ACER2: variants seen among roughly 807,000 people sequenced by gnomAD.
ACER2 encodes alkaline ceramidase 2, also known as alkCDase 2.
Under a neutral mutation model 34.7 loss-of-function variants are expected in ACER2, and 26 were observed. The observed-to-expected ratio is 0.75, with a 90% CI of 0.55 to 1.04. The LOEUF (loss-of-function observed/expected upper bound fraction) is 1.04. Among genes scored for constraint, ACER2 ranks in the 50% least tolerant of loss-of-function variants. The pLI is 0.00. For synonymous variants in ACER2, 138 were observed against 132.1 expected (o/e 1.04, Z -0.31); for missense variants, 352 against 340.8 (o/e 1.03, Z -0.26).
chr9:19,421,026 A>G (rs74707871), intron 1 of ACER2, among the ~76,000 whole-genome samples: 4,492 of 152,290 alleles, frequency 0.029, 225 homozygotes, highest in African/African-American at 0.1. Context: ...AGCTTTGTAC[A>G]CACCCAGGCC....
chr9:19,446,805 GGAACCCC>G (rs1563893052), intron 5 of ACER2, among the ~76,000 whole-genome samples: 1 of 152,154 alleles, frequency 6.6e-6, no homozygotes, highest in African/African-American at 2.4e-5. Context: ...GTCCTCAGTG[GGAACCCC>G]ACCTTTAGGG....
In ACER2 at chr9:19,450,141, CTG is replaced by C. The variant is rs1831513472; in HGVS notation, c.642-307_642-306del. The C allele has an allele frequency of 3.2e-6, 3 of 949,768 alleles. No individual in the cohort carries two copies. In the African/African-American group the frequency reaches 5.3e-5, roughly 17 times the overall value. 58.8% of individuals were successfully genotyped at this position (949,768 alleles called of 1,614,324 possible). On this transcript the variant is annotated intron_variant, in intron 5 of 5. Coordinates refer to ENST00000340967, the MANE Select transcript of ACER2 (RefSeq NM_001010887.3). ...CTCAGTTACTTCCATCTTAGCATCT[CTG>C]TTGTAAATCCTTGGGCCTCAGTCTT...
intron 3 of ACER2, among the ~76,000 whole-genome samples, chr9:19,434,331 G>T (rs1563884591): frequency 6.6e-6 from 1 of 152,104 alleles, no homozygotes; most frequent in Admixed American, 6.5e-5. Context: ...CCAGACGATG[G>T]CCGGCCAGGC....
intron 5 of ACER2, 86 bp downstream of exon 5, chr9:19,446,504 A>T: frequency 6.3e-7 from 1 of 1,590,800 alleles, no homozygotes; most frequent in Non-Finnish European, 8.5e-7. Context: ...AGTGGTGCAC[A>T]GGTGTCCTGT....
chr9:19,409,716 G>A (rs1830030157), intron 1 of ACER2: 3 of 983,290 alleles, frequency 3.1e-6, no homozygotes, highest in Non-Finnish European at 3.6e-6. Context: ...TATAATGGTC[G>A]AGTTATTTTT....
At chr9:19,425,071 A>T (rs961906888) in intron 3 of ACER2, among the ~76,000 whole-genome samples, 1 of 152,202 alleles carries the variant, frequency 6.6e-6, no homozygotes, top group Non-Finnish European at 1.5e-5. Context: ...TACCCAAAGT[A>T]CATCACCTCT....
At chr9:19,423,128 C>T (rs1278563258) in intron 1 of ACER2, among the ~76,000 whole-genome samples, 4 of 151,580 alleles carry the variant, frequency 2.6e-5, no homozygotes, top group African/African-American at 9.7e-5. Flanking sequence ...TCACTTCAGT[C>T]CAGCCTGGAA....
intron 3 of ACER2, among the ~76,000 whole-genome samples, chr9:19,430,416 A>G (rs943825702): frequency 6.6e-6 from 1 of 152,162 alleles, no homozygotes; most frequent in Non-Finnish European, 1.5e-5. Flanking sequence ...GGCTGTCATC[A>G]ATCACAGTTT....
intron 3 of ACER2, among the ~76,000 whole-genome samples, chr9:19,429,537 G>A (rs564592161): frequency 7.2e-5 from 11 of 152,016 alleles, no homozygotes; most frequent in Non-Finnish European, 1.3e-4. Context: ...TTACCATGTT[G>A]CCCAGGCTGG....
At chr9:19,444,002 A>T (rs1376559248) in intron 4 of ACER2, among the ~76,000 whole-genome samples, 3 of 152,088 alleles carry the variant, frequency 2.0e-5, no homozygotes, top group East Asian at 1.9e-4. Flanking sequence ...TCATAGTTTC[A>T]ACTTGTGATG....
Position 19,452,061 on chromosome 9 carries a change from A to C in ACER2, c.*1425A>C, listed in dbSNP as rs191846430. 2 of 152,648 alleles carry C rather than the reference A, an allele frequency of 1.3e-5. No individual in the cohort carries two copies. The highest frequency in any genetic ancestry group is 4.8e-5 in the African/African-American group (2 of 41,460). The allele number at this position is 152,648 out of a possible 1,614,324, so 9.5% of individuals were successfully genotyped here. On this transcript the variant is annotated 3_prime_UTR_variant, in exon 6 of 6. Coordinates refer to ENST00000340967, the MANE Select transcript of ACER2 (RefSeq NM_001010887.3). ...CTCACCTAATGTGACACTGGCTACAATGAATCTTCTCTTCATCGGGCTGAA... is the reference window on the plus strand; with the variant it reads ...CTCACCTAATGTGACACTGGCTACACTGAATCTTCTCTTCATCGGGCTGAA...
intron 3 of ACER2, among the ~76,000 whole-genome samples, chr9:19,426,585 ATTTG>A (rs1445170861): frequency 2.6e-5 from 4 of 152,116 alleles, no homozygotes; most frequent in Non-Finnish European, 5.9e-5. Flanking sequence ...CGTTTTGTGT[ATTTG>A]TTTGTGACAT....
chr9:19,434,866 C>G, intron 3 of ACER2, 81 bp from the exon 4 acceptor site: 1 of 1,558,038 alleles, frequency 6.4e-7, no homozygotes, highest in Non-Finnish European at 8.8e-7. Flanking sequence ...TCTGGCAATG[C>G]CTGTACCTTG....
intron 4 of ACER2, among the ~76,000 whole-genome samples, chr9:19,436,465 C>T (rs545125089): frequency 1.3e-5 from 2 of 152,172 alleles, no homozygotes; most frequent in East Asian, 3.9e-4. Context: ...ATAACCAAAC[C>T]TGCCATTTGA....
At chr9:19,430,667 A>G (rs1830722682) in intron 3 of ACER2, among the ~76,000 whole-genome samples, 1 of 152,086 alleles carries the variant, frequency 6.6e-6, no homozygotes, top group Non-Finnish European at 1.5e-5. Flanking sequence ...TAAAGAAAGC[A>G]TGTTTTGCAG....
chr9:19,433,883 C>T (rs1360060503), intron 3 of ACER2, among the ~76,000 whole-genome samples: 2 of 151,596 alleles, frequency 1.3e-5, no homozygotes, highest in African/African-American at 4.8e-5. Context: ...CCTCACCTCC[C>T]GGACGGGGCG....
At chr9:19,418,181 A>G (rs1251725935) in intron 1 of ACER2, among the ~76,000 whole-genome samples, 8 of 152,246 alleles carry the variant, frequency 5.3e-5, no homozygotes, top group African/African-American at 1.9e-4. Context: ...GGCGATCATT[A>G]AAAAGTCAGG....
chr9:19,446,262 T>A lies in ACER2; in HGVS notation c.504-19T>A, dbSNP rs1831356163. On this transcript the variant is annotated intron_variant, in intron 4 of 5. Coordinates refer to ENST00000340967, the MANE Select transcript of ACER2 (RefSeq NM_001010887.3). ...GAGACAAGGTCTGACGATGAGTGAC[T>A]CTCTGGACCCCCGTGCAGGTGTGAC... The A allele has an allele frequency of 6.2e-7, 1 of 1,613,984 alleles. No individual in the cohort carries two copies. Among genetic ancestry groups the A allele is most frequent in the Non-Finnish European group, 8.5e-7 (1 of 1,180,006 alleles).
At chr9:19,411,321 T>C (rs1830078733) in intron 1 of ACER2, among the ~76,000 whole-genome samples, 1 of 152,148 alleles carries the variant, frequency 6.6e-6, no homozygotes, top group Non-Finnish European at 1.5e-5. Flanking sequence ...AATAAGGTCA[T>C]TGCCTAACTT....
Sources: gnomAD v4.1 joint callset for allele counts (sites outside exome capture counted in the v4.1 genomes callset) on GRCh38, gnomAD v4.1.1 for gene constraint, MANE v1.5 for transcripts, NCBI Gene and HGNC (gene_info 2026-07-23, HGNC 2026-07-21) for gene names.